LSM14A: variants seen among roughly 807,000 people sequenced by gnomAD.
The protein encoded by LSM14A is protein LSM14 homolog A.
Under a neutral mutation model 52.4 loss-of-function variants are expected in LSM14A, and 14 were observed. The observed-to-expected ratio is 0.27, with a 90% confidence interval of 0.18 to 0.42. The LOEUF (loss-of-function observed/expected upper bound fraction) is 0.42, where lower values mean the gene tolerates loss of function less well. LSM14A is among the 10% of genes least tolerant of loss of function. The pLI is 1.00. For missense variants in LSM14A, 417 were observed against 581.8 expected, an observed-to-expected ratio of 0.72 and a Z score of 2.91; for synonymous variants, 185 against 200.3, an observed-to-expected ratio of 0.92 and a Z score of 0.64.
At chr19:34,211,311 A>T (rs2072131842) in intron 4 of LSM14A, among the ~76,000 whole-genome samples, 1 of 151,976 alleles carries the variant, frequency 6.6e-6, no homozygotes, top group African/African-American at 2.4e-5. Context: ...AAAAAAAAAA[A>T]TTTAATAGTC....
At chr19:34,192,310 CTTTTTGTTGTTTTTTTT>C (rs2070440253) in intron 1 of LSM14A, among the ~76,000 whole-genome samples, 1 of 51,658 alleles carries the variant, frequency 1.9e-5, no homozygotes, top group Admixed American at 2.2e-4. Context: ...AAATAACATT[CTTTTTGTTGTTTTTTTT>C]TTTTTTTTTT....
At chr19:34,192,818 A>AG (rs931049553) in intron 1 of LSM14A, among the ~76,000 whole-genome samples, 2 of 151,836 alleles carry the variant, frequency 1.3e-5, no homozygotes, top group African/African-American at 4.8e-5. Flanking sequence ...CCGCTAAAAA[A>AG]AAATACAAAA....
intron 1 of LSM14A, among the ~76,000 whole-genome samples, chr19:34,192,310 C>CTTT (rs1568479681): frequency 1.5e-4 from 8 of 51,646 alleles, no homozygotes; most frequent in Admixed American, 9.0e-4. Context: ...AAATAACATT[C>CTTT]TTTTTGTTGT....
At chr19:34,217,183 C>T (rs980644389) in intron 6 of LSM14A, among the ~76,000 whole-genome samples, 4 of 149,936 alleles carry the variant, frequency 2.7e-5, no homozygotes, top group African/African-American at 9.8e-5. Flanking sequence ...CACTTGAACC[C>T]GGGAGGCGAG....
intron 1 of LSM14A, among the ~76,000 whole-genome samples, chr19:34,192,310 C>CTTTTTTTTTTTTT (rs1568479681): frequency 9.7e-5 from 5 of 51,664 alleles, no homozygotes; most frequent in African/African-American, 1.4e-4. Flanking sequence ...AAATAACATT[C>CTTTTTTTTTTTTT]TTTTTGTTGT....
intron 4 of LSM14A, 48 bp downstream of exon 4, chr19:34,209,099 G>T: frequency 6.8e-7 from 1 of 1,471,442 alleles, no homozygotes; most frequent in Non-Finnish European, 9.1e-7. Context: ...CTTTTATAGT[G>T]GTTTTTGTCT....
chr19:34,181,997 TCTCTCTCTGTCTCAC>T (rs2069514915), intron 1 of LSM14A, among the ~76,000 whole-genome samples: 1 of 149,552 alleles, frequency 6.7e-6, no homozygotes, highest in South Asian at 2.2e-4. Context: ...CCTTAATTCC[TCTCTCTCTGTCTCAC>T]CTCATGTGAT....
At chr19:34,221,848 AC>A in intron 9 of LSM14A, 110 bp downstream of exon 9, 1 of 1,454,438 alleles carries the variant, frequency 6.9e-7, no homozygotes, top group East Asian at 2.5e-5. Context: ...CATTAGAATA[AC>A]TTCCATTTTG....
chr19:34,199,424 C>T (rs921040514), intron 3 of LSM14A, among the ~76,000 whole-genome samples: 3 of 152,100 alleles, frequency 2.0e-5, no homozygotes, highest in Non-Finnish European at 4.4e-5. Flanking sequence ...AGCCACTGCA[C>T]CCAGCCAGGT....
intron 3 of LSM14A, among the ~76,000 whole-genome samples, chr19:34,206,587 A>G (rs886546190): frequency 2.0e-5 from 3 of 151,998 alleles, no homozygotes; most frequent in East Asian, 3.9e-4. Flanking sequence ...AGGCAGGAGA[A>G]TCGCTTGAGC....
chr19:34,200,272 G>A (rs1287056750), intron 3 of LSM14A, among the ~76,000 whole-genome samples: 1 of 152,204 alleles, frequency 6.6e-6, no homozygotes, highest in Non-Finnish European at 1.5e-5. Flanking sequence ...ACATCCAAAT[G>A]TAATATAGAA....
At chr19:34,177,694 C>T (rs2069175166) in intron 1 of LSM14A, among the ~76,000 whole-genome samples, 1 of 151,750 alleles carries the variant, frequency 6.6e-6, no homozygotes, top group Non-Finnish European at 1.5e-5. Context: ...TCAAAACCAG[C>T]CTCGGCAATA....
At chr19:34,185,870 A>G (rs1323969727) in intron 1 of LSM14A, among the ~76,000 whole-genome samples, 2 of 152,214 alleles carry the variant, frequency 1.3e-5, no homozygotes, top group East Asian at 3.8e-4. Flanking sequence ...TTTTGCATGT[A>G]GACTGTTCTT....
chr19:34,214,980 T>C (rs1457170588), intron 4 of LSM14A, 144 bp from the exon 5 acceptor site: 6 of 496,832 alleles, frequency 1.2e-5, no homozygotes, highest in Non-Finnish European at 2.1e-5. Flanking sequence ...CCATTCTTAA[T>C]ATCTGGTCTG....
intron 1 of LSM14A, among the ~76,000 whole-genome samples, chr19:34,179,370 C>T (rs642587): frequency 0.35 from 53,151 of 151,944 alleles, 9,754 homozygotes; most frequent in African/African-American, 0.4. Context: ...AAAATACTTG[C>T]GGGGTGCTTT....
At chr19:34,203,214 C>CA (rs2145725557) in intron 3 of LSM14A, among the ~76,000 whole-genome samples, 1 of 147,138 alleles carries the variant, frequency 6.8e-6, no homozygotes, top group East Asian at 1.9e-4. Context: ...AGTGAAGAAA[C>CA]ATGGAGCAAT....
chr19:34,207,245 A>G (rs912088151), intron 3 of LSM14A, among the ~76,000 whole-genome samples: 1 of 152,278 alleles, frequency 6.6e-6, no homozygotes, highest in South Asian at 2.1e-4. Context: ...AGGACAAGCA[A>G]TGGGAGGCCA....
chr19:34,174,521 C>G (rs550526613), intron 1 of LSM14A, among the ~76,000 whole-genome samples: 1 of 152,350 alleles, frequency 6.6e-6, no homozygotes, highest in Admixed American at 6.5e-5. Context: ...CTCATTAAAA[C>G]ACCTGTAGAC....
chr19:34,181,889 A>G (rs1050229425), intron 1 of LSM14A, among the ~76,000 whole-genome samples: 1 of 152,054 alleles, frequency 6.6e-6, no homozygotes, highest in African/African-American at 2.4e-5. Flanking sequence ...TAGAATCTCA[A>G]TTCAGCATGC....
Sources: allele counts gnomAD v4.1 joint callset (sites outside exome capture counted in the v4.1 genomes callset), GRCh38; gene constraint gnomAD v4.1.1; transcripts MANE v1.5; gene names NCBI Gene and HGNC (gene_info 2026-07-23, HGNC 2026-07-21).